Variants in SLC4A5 observed in about 807,000 individuals in gnomAD.
The protein encoded by SLC4A5 is solute carrier family 4 member 5.
SLC4A5 carries 96 observed loss-of-function variants against 120.4 expected under a neutral mutation model. The ratio of observed to expected loss-of-function variants is 0.80; its 90% CI spans 0.68 to 0.94. The LOEUF (loss-of-function observed/expected upper bound fraction) is 0.94, where lower values mean the gene tolerates loss of function less well. Among genes scored for constraint, SLC4A5 ranks in the 40% least tolerant of loss-of-function variants. The pLI is 0.00. For missense variants in SLC4A5, 1,259 were observed against 1,459.5 expected, an observed-to-expected ratio of 0.86 and a Z score of 2.24; for synonymous variants, 550 against 571.1, an observed-to-expected ratio of 0.96 and a Z score of 0.53.
intron 6 of SLC4A5, chr2:74,307,487 C>A: frequency 6.4e-6 from 4 of 623,200 alleles, no homozygotes; most frequent in Non-Finnish European, 9.1e-6. Flanking sequence ...TCTCTACAGA[C>A]TAGCGCATGG....
intron 6 of SLC4A5, among the ~76,000 whole-genome samples, chr2:74,312,243 A>ATGTGTG (rs111417670): frequency 3.4e-4 from 48 of 139,446 alleles, no homozygotes; most frequent in African/African-American, 9.4e-4. Context: ...GTGTGTGTAT[A>ATGTGTG]TGTGTGTGTG....
chr2:74,269,166 T>C (rs1211725944), intron 8 of SLC4A5, among the ~76,000 whole-genome samples: 1 of 152,242 alleles, frequency 6.6e-6, no homozygotes, highest in African/African-American at 2.4e-5. Context: ...AAAGGTATAT[T>C]AACATAAGAG....
rs773503778 is a variant in SLC4A5, at chr2:74,224,830, T to C, written c.3246+10A>G. ...TTCTCCTCTGTGCCCCGGCCTCACA[T>C]CTTCCCCACCTCCTCATCACAGTCC... On this transcript the variant is annotated intron_variant, in intron 28 of 30. Coordinates refer to ENST00000394019, the Ensembl canonical transcript of SLC4A5. 2 of 1,603,386 alleles carry C rather than the reference T, an allele frequency of 1.2e-6. No homozygotes were observed. The highest frequency in any genetic ancestry group is 4.5e-5 in the East Asian group (2 of 44,830).
At chr2:74,276,146 GAGA>G (rs1156769062) in intron 8 of SLC4A5, among the ~76,000 whole-genome samples, 4 of 152,096 alleles carry the variant, frequency 2.6e-5, no homozygotes, top group Non-Finnish European at 5.9e-5. Flanking sequence ...GAAAGGAGAG[GAGA>G]AGGAGAGAAA....
intron 8 of SLC4A5, among the ~76,000 whole-genome samples, chr2:74,279,463 T>C (rs1671743352): frequency 6.6e-6 from 1 of 152,162 alleles, no homozygotes; most frequent in South Asian, 2.1e-4. Flanking sequence ...TTTCGTGGGT[T>C]CCTCTTCCTC....
At position 74,316,320 on chromosome 2, in the gene SLC4A5, G is replaced by GT. The variant is rs71406871; in HGVS notation, c.-2-1296dup. Among the ~76,000 whole-genome samples, 4 of 44,408 alleles carry GT rather than the reference G, an allele frequency of 9.0e-5. 1 individual carries two copies. The highest frequency in any genetic ancestry group is 2.8e-4 in the African/African-American group (2 of 7,086). 29.1% of individuals were successfully genotyped at this position (44,408 alleles called of 152,430 possible). ...AGCTAGGTTATGCTACAAAAGAGTT[G>GT]TAAAAAAAAAAAAAAAAAAAAAAAA... On this transcript the variant is annotated intron_variant, in intron 5 of 30. Transcript: ENST00000394019.
intron 7 of SLC4A5, among the ~76,000 whole-genome samples, chr2:74,297,093 G>C (rs949112252): frequency 2.0e-5 from 3 of 152,060 alleles, no homozygotes; most frequent in Middle Eastern, 3.2e-3. Context: ...ATAGATGAAG[G>C]CTTGAATATT....
exon 23 of SLC4A5, chr2:74,233,557 G>T: frequency 6.2e-7 from 1 of 1,611,796 alleles, no homozygotes; most frequent in Non-Finnish European, 8.5e-7. Flanking sequence ...CGGTCAGGCC[G>T]CGTTGGCTGA....
intron 16 of SLC4A5, among the ~76,000 whole-genome samples, chr2:74,251,482 A>G (rs960203711): frequency 6.6e-6 from 1 of 152,024 alleles, no homozygotes. Context: ...AAAAAAAAAA[A>G]GTTTTTGAAT....
At position 74,259,787 on chromosome 2, in the gene SLC4A5, G is replaced by A. The variant is rs766288615; in HGVS notation, c.812-144C>T. ...TTAATCCTGCAGTCCCCTTAAACTAGCATCCTCTCACTTTCCTTCTGTTCA... is the reference window on the plus strand; with the variant it reads ...TTAATCCTGCAGTCCCCTTAAACTAACATCCTCTCACTTTCCTTCTGTTCA... On this transcript the variant is annotated intron_variant, in intron 11 of 30. Transcript: ENST00000394019. 3.3e-5 allele frequency: 24 copies of A among 731,956 alleles called. No individual in the cohort carries two copies. In the Middle Eastern group the frequency reaches 7.1e-4, roughly 22 times the overall value. The allele number at this position is 731,956 out of a possible 1,614,324, so 45.3% of individuals were successfully genotyped here. A position where few individuals can be genotyped will look rare whatever the true frequency, so the allele number is the denominator to read the frequency against.
At chr2:74,253,272 T>C (rs1670851645) in intron 14 of SLC4A5, 144 bp from the exon 15 acceptor site, 1 of 967,652 alleles carries the variant, frequency 1.0e-6, no homozygotes, top group East Asian at 2.6e-5. Context: ...AATGAGACTA[T>C]AGTACATTGG....
At chr2:74,235,818 T>C (rs1288654894) in intron 21 of SLC4A5, among the ~76,000 whole-genome samples, 1 of 152,158 alleles carries the variant, frequency 6.6e-6, no homozygotes, top group East Asian at 1.9e-4. Context: ...CTAGACCAAG[T>C]TCTGAACCTG....
At position 74,248,635 on chromosome 2, in the gene SLC4A5, C is replaced by T. The variant is rs1670695244; in HGVS notation, c.1654-149G>A. On this transcript the variant is annotated intron_variant, in intron 17 of 30. Coordinates refer to ENST00000394019, the Ensembl canonical transcript of SLC4A5. ...TTCCTCCCTAAATCCTGTTCTCCATCTCCTACACCCTCCACAACTTGCCAC... is the reference window on the plus strand; with the variant it reads ...TTCCTCCCTAAATCCTGTTCTCCATTTCCTACACCCTCCACAACTTGCCAC... The T allele has an allele frequency of 1.9e-5, 16 of 854,418 alleles. No individual in the cohort carries two copies. The South Asian group carries it at 2.9e-4, about 15-fold the overall frequency. 52.9% of individuals were successfully genotyped at this position (854,418 alleles called of 1,614,324 possible).
At chr2:74,265,108 G>T (rs1318284348) in exon 9 of SLC4A5, 15 of 1,613,376 alleles carry the variant, frequency 9.3e-6, no homozygotes, top group Non-Finnish European at 1.0e-5. Context: ...CCTCACCTAT[G>T]ATCTGTGGTA....
At chr2:74,229,871 T>A (rs971963479) in intron 25 of SLC4A5, among the ~76,000 whole-genome samples, 2 of 148,932 alleles carry the variant, frequency 1.3e-5, no homozygotes, top group Non-Finnish European at 3.0e-5. Context: ...CAAGGTCACC[T>A]CTGAATGAGG....
At chr2:74,227,374 C>T (rs1269720716) in intron 26 of SLC4A5, 2 of 1,254,470 alleles carry the variant, frequency 1.6e-6, no homozygotes, top group African/African-American at 3.0e-5. Flanking sequence ...GGACATTGTC[C>T]ATATTCAGGG....
exon 24 of SLC4A5, chr2:74,232,594 C>G (rs1396929147): frequency 1.9e-6 from 3 of 1,613,938 alleles, no homozygotes; most frequent in Non-Finnish European, 2.5e-6. Context: ...TAAAGGAGCA[C>G]AAAGCCATGA....
intron 22 of SLC4A5, 116 bp from the exon 23 acceptor site, chr2:74,233,679 T>A (rs988609473): frequency 7.2e-5 from 91 of 1,269,468 alleles, no homozygotes; most frequent in Non-Finnish European, 8.8e-5. Flanking sequence ...ACTTTTCAAG[T>A]GCAATCTTTT....
chr2:74,314,902 A>G lies in SLC4A5; in HGVS notation c.79+43T>C, dbSNP rs192966317. ...TCATAAAGACATTCAGAGAATTCTC[A>G]GTGCCTCCTGAGATTTGCATCAAGT... On this transcript the variant is annotated intron_variant, in intron 6 of 30. Coordinates refer to ENST00000394019, the Ensembl canonical transcript of SLC4A5. The G allele has an allele frequency of 3.9e-4, 608 of 1,543,462 alleles. 6 individuals carry two copies. The East Asian group carries it at 0.011, about 29-fold the overall frequency.
Sources: gnomAD v4.1 joint callset for allele counts (sites outside exome capture counted in the v4.1 genomes callset) on GRCh38, gnomAD v4.1.1 for gene constraint, MANE v1.5 for transcripts, NCBI Gene and HGNC (gene_info 2026-07-23, HGNC 2026-07-21) for gene names.